Variants in PTPRD observed in about 807,000 individuals in gnomAD.
The protein encoded by PTPRD is protein tyrosine phosphatase receptor type D, also known as receptor-type tyrosine-protein phosphatase delta.
PTPRD carries 34 observed loss-of-function variants against 214.5 expected under a neutral mutation model. The observed-to-expected ratio is 0.16, with a 90% CI of 0.12 to 0.21. PTPRD has a LOEUF of 0.21. Ranked by LOEUF, PTPRD falls within the 10% of genes least tolerant of loss-of-function variation. PTPRD has a pLI of 1.00. For synonymous variants in PTPRD, 1,128 were observed against 845.7 expected (o/e 1.33, Z -5.79); for missense variants, 2,545 against 2,398.7 (o/e 1.06, Z -1.27).
At chr9:9,121,496 A>G (rs2154464152) in intron 10 of PTPRD, among the ~76,000 whole-genome samples, 1 of 152,312 alleles carries the variant, frequency 6.6e-6, no homozygotes, top group South Asian at 2.1e-4. Context: ...CAGCCATACA[A>G]AGGAATGAAT....
intron 2 of PTPRD, 124 bp downstream of exon 2, chr9:10,612,274 T>C (rs866811225): frequency 2.7e-5 from 4 of 150,532 alleles, no homozygotes; most frequent in Non-Finnish European, 5.9e-5. Context: ...ACTGAAGTTA[T>C]ATAAGTCAAG....
At chr9:9,493,000 T>C (rs2095989016) in intron 8 of PTPRD, among the ~76,000 whole-genome samples, 1 of 147,196 alleles carries the variant, frequency 6.8e-6, no homozygotes, top group Admixed American at 6.9e-5. Context: ...CTCCACTAAT[T>C]GGCCATTCTC....
intron 11 of PTPRD, among the ~76,000 whole-genome samples, chr9:8,834,197 C>A (rs968871462): frequency 6.6e-6 from 1 of 151,982 alleles, no homozygotes; most frequent in Non-Finnish European, 1.5e-5. Context: ...GGGAAAAAGC[C>A]TGTTTTTTTC....
chr9:8,640,220 C>T (rs903707302), intron 12 of PTPRD, among the ~76,000 whole-genome samples: 2 of 152,086 alleles, frequency 1.3e-5, no homozygotes, highest in African/African-American at 2.4e-5. Flanking sequence ...TGAGCCATCA[C>T]GACACGCAGA....
chr9:10,434,959 C>T (rs893258052), intron 2 of PTPRD, among the ~76,000 whole-genome samples: 3 of 151,678 alleles, frequency 2.0e-5, no homozygotes, highest in African/African-American at 4.8e-5. Context: ...TATGCTACCC[C>T]GAGCGCTGGA....
intron 11 of PTPRD, among the ~76,000 whole-genome samples, chr9:8,989,819 G>C (rs958109271): frequency 4.6e-5 from 7 of 152,066 alleles, no homozygotes; most frequent in African/African-American, 7.2e-5. Flanking sequence ...CACAGTGCCA[G>C]AAACCGTGAA....
intron 7 of PTPRD, among the ~76,000 whole-genome samples, chr9:9,606,135 T>G (rs1175636832): frequency 6.6e-6 from 1 of 152,112 alleles, no homozygotes; most frequent in Non-Finnish European, 1.5e-5. Flanking sequence ...ATTTGCTATT[T>G]GCTTGTAGAT....
intron 2 of PTPRD, among the ~76,000 whole-genome samples, chr9:10,454,192 T>G (rs1336035147): frequency 6.6e-6 from 1 of 151,528 alleles, no homozygotes; most frequent in African/African-American, 2.4e-5. Flanking sequence ...GATTTCCATT[T>G]TATCATTTCA....
chr9:10,359,836 G>A (rs2097344001), intron 2 of PTPRD, among the ~76,000 whole-genome samples: 1 of 152,044 alleles, frequency 6.6e-6, no homozygotes, highest in Admixed American at 6.6e-5. Flanking sequence ...ATAATGATAT[G>A]GTTTTAAAAG....
At chr9:8,493,073 C>G in intron 26 of PTPRD, 94 bp from the exon 27 acceptor site, 1 of 999,260 alleles carries the variant, frequency 1.0e-6, no homozygotes, top group Non-Finnish European at 1.6e-6. Flanking sequence ...TGCAAATGCT[C>G]GCACATCCCT....
At chr9:9,586,431 G>T (rs951201879) in intron 7 of PTPRD, among the ~76,000 whole-genome samples, 2 of 151,880 alleles carry the variant, frequency 1.3e-5, no homozygotes, top group Non-Finnish European at 2.9e-5. Context: ...TTCTTGAGTT[G>T]AGTTTTATGT....
intron 9 of PTPRD, among the ~76,000 whole-genome samples, chr9:9,288,132 C>G (rs1202534221): frequency 6.6e-6 from 1 of 151,678 alleles, no homozygotes; most frequent in Non-Finnish European, 1.5e-5. Context: ...TTGTTTCTTT[C>G]CTTCTATTTA....
intron 3 of PTPRD, among the ~76,000 whole-genome samples, chr9:10,073,906 A>G (rs1257679424): frequency 1.3e-5 from 2 of 152,174 alleles, no homozygotes; most frequent in African/African-American, 4.8e-5. Flanking sequence ...TTAATAGTTT[A>G]TAAATTGTAT....
At chr9:9,970,760 G>GTATC (rs2095052835) in intron 4 of PTPRD, among the ~76,000 whole-genome samples, 1 of 152,150 alleles carries the variant, frequency 6.6e-6, no homozygotes, top group South Asian at 2.1e-4. Context: ...TGGGAAGGCA[G>GTATC]AGCTTCTGGA....
At chr9:9,933,347 G>A (rs1453735091) in intron 5 of PTPRD, among the ~76,000 whole-genome samples, 11 of 151,856 alleles carry the variant, frequency 7.2e-5, no homozygotes, top group Non-Finnish European at 1.5e-4. Context: ...CACATGCAGA[G>A]ACACACACAG....
chr9:8,385,549 G>A (rs963895181), intron 37 of PTPRD, among the ~76,000 whole-genome samples: 1 of 152,092 alleles, frequency 6.6e-6, no homozygotes, highest in Non-Finnish European at 1.5e-5. Flanking sequence ...CCAGGCTGTG[G>A]CAAAACAGAA....
intron 6 of PTPRD, among the ~76,000 whole-genome samples, chr9:9,741,107 T>C (rs1386344929): frequency 6.6e-6 from 1 of 152,144 alleles, no homozygotes; most frequent in Non-Finnish European, 1.5e-5. Context: ...CAAACCAATA[T>C]GAGGAAGTAG....
At chr9:8,650,763 C>T (rs1336827668) in intron 12 of PTPRD, among the ~76,000 whole-genome samples, 1 of 152,068 alleles carries the variant, frequency 6.6e-6, no homozygotes, top group Non-Finnish European at 1.5e-5. Flanking sequence ...CAATACCTAA[C>T]ATGTTGTAGG....
intron 11 of PTPRD, among the ~76,000 whole-genome samples, chr9:8,841,837 C>A (rs995663992): frequency 4.0e-5 from 6 of 151,826 alleles, no homozygotes; most frequent in Non-Finnish European, 8.8e-5. Context: ...CATGGTGAAC[C>A]CCATCTCTAC....
Sources: allele counts gnomAD v4.1 joint callset (sites outside exome capture counted in the v4.1 genomes callset), GRCh38; gene constraint gnomAD v4.1.1; transcripts MANE v1.5; gene names NCBI Gene and HGNC (gene_info 2026-07-23, HGNC 2026-07-21).